Variants in SMG1 observed in about 807,000 individuals in gnomAD.
The protein encoded by SMG1 is serine/threonine-protein kinase SMG1.
SMG1 carries 22 observed loss-of-function variants against 419.9 expected under a neutral mutation model. The ratio of observed to expected loss-of-function variants is 0.05; its 90% CI spans 0.04 to 0.07. The LOEUF (loss-of-function observed/expected upper bound fraction) is 0.07. Among genes scored for constraint, SMG1 ranks in the 10% least tolerant of loss-of-function variants. The pLI is 1.00. For missense variants in SMG1, 3,185 were observed against 4,342.0 expected (o/e 0.73, Z 7.49); for synonymous variants, 1,538 against 1,553.5 (o/e 0.99, Z 0.23).
intron 56 of SMG1, 106 bp from the exon 57 acceptor site, chr16:18,817,576 A>G (rs147797428): frequency 4.2e-5 from 39 of 928,116 alleles, no homozygotes; most frequent in African/African-American, 4.0e-4. Context: ...TTGAGAATTC[A>G]GGACCAGAAT....
chr16:18,832,286 G>A (rs1276079543), intron 51 of SMG1, among the ~76,000 whole-genome samples: 1 of 152,216 alleles, frequency 6.6e-6, no homozygotes, highest in African/African-American at 2.4e-5. Context: ...TACAATGCAT[G>A]TCTGCAGGAA....
Position 18,854,559 on chromosome 16 carries a change from A to G in SMG1, c.4483+97T>C. 5 of 1,152,998 alleles carry G rather than the reference A, an allele frequency of 4.3e-6. No individual in the cohort carries two copies. The South Asian group carries it at 4.9e-5, about 11-fold the overall frequency. The allele number at this position is 1,152,998 out of a possible 1,614,324, so 71.4% of individuals were successfully genotyped here. ...GTTCTGCAACAGCTGGAAATGATCA[A>G]CTTTGCTATTACTACCTTATACCAT... On this transcript the variant is annotated intron_variant, in intron 30 of 62. Transcript: ENST00000446231.
chr16:18,836,949 C>T (rs980724352), intron 46 of SMG1, among the ~76,000 whole-genome samples: 2 of 152,130 alleles, frequency 1.3e-5, no homozygotes, highest in Admixed American at 6.6e-5. Flanking sequence ...TGAGTAAGGA[C>T]TCAAGATACA....
chr16:18,822,391 C>G (rs1380470329), intron 55 of SMG1, among the ~76,000 whole-genome samples: 1 of 78,944 alleles, frequency 1.3e-5, no homozygotes, highest in African/African-American at 4.4e-5. Context: ...GGTTTTAGGT[C>G]TAACATTTAA....
chr16:18,815,428 A>G lies in SMG1; in HGVS notation c.10514+12T>C. The G allele has an allele frequency of 1.2e-6, 2 of 1,612,884 alleles. No homozygotes were observed. Among genetic ancestry groups the G allele is most frequent in the South Asian group, 1.1e-5 (1 of 91,070 alleles). ...TTATGTTTTATAAATTCTGACCAGAAGGCATTCTTACCTCTGACTTTGTGT... is the reference window on the plus strand; with the variant it reads ...TTATGTTTTATAAATTCTGACCAGAGGGCATTCTTACCTCTGACTTTGTGT... On this transcript the variant is annotated intron_variant, in intron 59 of 62. Coordinates refer to ENST00000446231, the MANE Select transcript of SMG1 (RefSeq NM_015092.5).
chr16:18,836,546 C>T lies in SMG1; in HGVS notation c.7605-14G>A. 1 of 1,610,860 alleles carries T rather than the reference C, an allele frequency of 6.2e-7. No individual in the cohort carries two copies. The highest frequency in any genetic ancestry group is 8.5e-7 in the Non-Finnish European group (1 of 1,178,730). ...TGCTCAGAATACCTAATCAGGGGGA[C>T]ACAAACAAAATCAAAAGATTTATTG... On this transcript the variant is annotated splice_polypyrimidine_tract_variant and intron_variant, in intron 46 of 62. Coordinates refer to ENST00000446231, the MANE Select transcript of SMG1 (RefSeq NM_015092.5).
intron 1 of SMG1, among the ~76,000 whole-genome samples, chr16:18,914,120 C>G (rs2037885442): frequency 6.6e-6 from 1 of 150,664 alleles, no homozygotes; most frequent in African/African-American, 2.4e-5. Flanking sequence ...GAGCCTAGAT[C>G]GTGCCCTTGC....
chr16:18,919,138 T>C (rs1326101569), intron 1 of SMG1, among the ~76,000 whole-genome samples: 1 of 151,626 alleles, frequency 6.6e-6, no homozygotes, highest in African/African-American at 2.4e-5. Flanking sequence ...ACCAGCCTGG[T>C]CGACATGGTG....
chr16:18,913,900 T>C (rs905406623), intron 1 of SMG1, among the ~76,000 whole-genome samples: 5 of 152,056 alleles, frequency 3.3e-5, no homozygotes, highest in African/African-American at 1.2e-4. Flanking sequence ...GCGAGGTGGT[T>C]TACGCCTGTA....
rs774912779 is a variant in SMG1 at position 18,837,264 on chromosome 16, A to G, written c.7593T>C (p.Thr2531=). The G allele has an allele frequency of 2.2e-5, 36 of 1,612,256 alleles. No individual in the cohort carries two copies. The highest frequency in any genetic ancestry group is 3.0e-5 in the Non-Finnish European group (35 of 1,179,360). Residue 2531 remains threonine, a synonymous_variant, in exon 46 of 63, where the codon ACT becomes ACC. Transcript: ENST00000446231. ...ACACTGTTTTAAACCTGTGTTGCAGAGTATGAGAAGGATGATCCACCCCTT... is the reference window on the plus strand; with the variant it reads ...ACACTGTTTTAAACCTGTGTTGCAGGGTATGAGAAGGATGATCCACCCCTT... ...GAEGVDHPSH[T]LQHRYSEHTQ... is the part of the protein sequence containing the mutation.
At chr16:18,831,529 T>A (rs1371229113) in intron 51 of SMG1, among the ~76,000 whole-genome samples, 1 of 152,114 alleles carries the variant, frequency 6.6e-6, no homozygotes, top group African/African-American at 2.4e-5. Flanking sequence ...TTTAACTTTT[T>A]AAATACTGCT....
At chr16:18,924,797 T>C (rs1217767103) in intron 1 of SMG1, 2 of 152,332 alleles carry the variant, frequency 1.3e-5, no homozygotes, top group Non-Finnish European at 1.5e-5. Context: ...GTGTACCACC[T>C]ATTAGCCAAA....
At chr16:18,818,701 T>G (rs541262258) in intron 56 of SMG1, among the ~76,000 whole-genome samples, 1 of 152,276 alleles carries the variant, frequency 6.6e-6, no homozygotes, top group Admixed American at 6.5e-5. Context: ...GCGACAGGTA[T>G]GAAGTATGAG....
chr16:18,868,647 T>G lies in SMG1; in HGVS notation c.2906A>C (p.Asn969Thr). 3 of 1,573,528 alleles carry G rather than the reference T, an allele frequency of 1.9e-6. No homozygotes were observed. The highest frequency in any genetic ancestry group is 1.1e-5 in the South Asian group (1 of 90,436). Residue 969 changes from asparagine (N) to threonine (T), a missense_variant, in exon 21 of 63, where the codon AAT (asparagine) becomes ACT (threonine). This residue lies in a region of SMG1 where 70 missense variants were observed against 185.7 expected (regional missense o/e 0.38). Coordinates refer to ENST00000446231, the MANE Select transcript of SMG1 (RefSeq NM_015092.5). ...QDVSQWTTAD[N>T]DEGHGNNQLR... is the part of the protein sequence containing the mutation. ...TTGGTTGTTACCATGGCCTTCATCA[T>G]TGTCTGCAGTTGTCCACTGACTAAC...
chr16:18,915,807 G>A (rs1335903478), intron 1 of SMG1, among the ~76,000 whole-genome samples: 1 of 151,424 alleles, frequency 6.6e-6, no homozygotes, highest in Non-Finnish European at 1.5e-5. Flanking sequence ...GGTGGCTCAC[G>A]CCTGTAATCC....
chr16:18,868,599 T>C lies in SMG1; in HGVS notation c.2954A>G (p.Gln985Arg). Reference sequence around the variant, plus strand: ...TAATTTCTCCAGATTTTCCAGATACTGCAGAAGAAGAACAAGTCTAAGTTG... The same window carrying C: ...TAATTTCTCCAGATTTTCCAGATACCGCAGAAGAAGAACAAGTCTAAGTTG... Reference protein sequence around the residue: ...NNQLRLVLLLQYLENLEKLMY... With the variant: ...NNQLRLVLLLRYLENLEKLMY... The change falls in exon 21 of 63, where the codon CAG becomes CGG. Residue 985 changes from glutamine to arginine, a missense_variant. Physicochemically the swap from Gln to Arg is conservative, Grantham distance 43. Around this residue, in one of 27 missense-constraint regions of SMG1, gnomAD observed 70 missense variants for 185.7 expected, o/e 0.38. Transcript: ENST00000446231. The C allele has an allele frequency of 6.3e-7, 1 of 1,594,568 alleles. No homozygotes were observed.
intron 42 of SMG1, among the ~76,000 whole-genome samples, chr16:18,839,115 G>C (rs973272217): frequency 6.6e-5 from 10 of 151,776 alleles, no homozygotes; most frequent in Non-Finnish European, 1.3e-4. Context: ...AAAAGTGCTG[G>C]GATTACAGAT....
chr16:18,907,679 C>G (rs1419612464), intron 1 of SMG1, among the ~76,000 whole-genome samples: 1 of 151,820 alleles, frequency 6.6e-6, no homozygotes, highest in Non-Finnish European at 1.5e-5. Flanking sequence ...GAAACCCTGT[C>G]TCTACCAAAA....
rs531169822 is a variant in SMG1 at position 18,851,941 on chromosome 16, G to T, written c.5052+126C>A. ...TAACTCACTTTCATCTTAAAATGCA[G>T]AAGTTTTTATTTACAACAACAATTG... On this transcript the variant is annotated intron_variant, in intron 33 of 62. Transcript: ENST00000446231. 18 of 1,006,950 alleles carry T rather than the reference G, an allele frequency of 1.8e-5. No individual in the cohort carries two copies. The South Asian group carries it at 1.8e-4, about 10-fold the overall frequency. The allele number at this position is 1,006,950 out of a possible 1,614,324, so 62.4% of individuals were successfully genotyped here. A position where few individuals can be genotyped will look rare whatever the true frequency, so the allele number is the denominator to read the frequency against.
Sources: allele counts gnomAD v4.1 joint callset (sites outside exome capture counted in the v4.1 genomes callset), GRCh38; gene constraint gnomAD v4.1.1; regional missense constraint gnomAD v4.1.1; transcripts MANE v1.5; gene names NCBI Gene and HGNC (gene_info 2026-07-23, HGNC 2026-07-21).